LYST: variants seen among roughly 807,000 people sequenced by gnomAD.
LYST encodes lysosomal-trafficking regulator.
LYST carries 192 observed loss-of-function variants against 413.6 expected under a neutral mutation model. The observed-to-expected ratio is 0.46, with a 90% CI of 0.41 to 0.52. The LOEUF (loss-of-function observed/expected upper bound fraction) is 0.52. Among genes scored for constraint, LYST ranks in the 20% least tolerant of loss-of-function variants. The pLI is 0.00. For missense variants in LYST, 3,815 were observed against 4,499.9 expected (o/e 0.85, Z 4.35); for synonymous variants, 1,525 against 1,567.3 (o/e 0.97, Z 0.64).
intron 23 of LYST, among the ~76,000 whole-genome samples, chr1:235,757,762 A>T (rs189520280): frequency 5.3e-5 from 8 of 152,322 alleles, no homozygotes; most frequent in Non-Finnish European, 2.9e-5. Flanking sequence ...CATCAGCCAC[A>T]TTTCAAGTGC....
intron 1 of LYST, among the ~76,000 whole-genome samples, chr1:235,866,375 C>T (rs1286276054): frequency 6.6e-6 from 1 of 152,196 alleles, no homozygotes; most frequent in African/African-American, 2.4e-5. Context: ...GAGTGACCGG[C>T]TGGGTGGTGG....
chr1:235,680,291 C>T (rs112605533), intron 48 of LYST, among the ~76,000 whole-genome samples: 12,282 of 152,192 alleles, frequency 0.081, 1,611 homozygotes, highest in African/African-American at 0.28. Flanking sequence ...GGTCTCACTC[C>T]GTCACCCAGG....
At chr1:235,772,615 G>C (rs1668819570) in intron 19 of LYST, among the ~76,000 whole-genome samples, 1 of 152,144 alleles carries the variant, frequency 6.6e-6, no homozygotes, top group Non-Finnish European at 1.5e-5. Context: ...CTGAGATGTA[G>C]TGCCTACATC....
chr1:235,814,141 G>T (rs1269510602), intron 3 of LYST, among the ~76,000 whole-genome samples: 1 of 152,192 alleles, frequency 6.6e-6, no homozygotes, highest in Non-Finnish European at 1.5e-5. Flanking sequence ...ACTGGTTTCA[G>T]CATCTAGGTA....
intron 45 of LYST, among the ~76,000 whole-genome samples, chr1:235,702,131 A>C (rs1418828339): frequency 6.6e-6 from 1 of 152,192 alleles, no homozygotes; most frequent in South Asian, 2.1e-4. Flanking sequence ...ACATTCTACT[A>C]TCTTATGCTG....
chr1:235,823,062 A>G (rs1674936273), intron 3 of LYST, among the ~76,000 whole-genome samples: 1 of 152,222 alleles, frequency 6.6e-6, no homozygotes, highest in South Asian at 2.1e-4. Flanking sequence ...CAAAGAAATC[A>G]TTGTTTTATG....
At chr1:235,739,655 A>C (rs760264229) in intron 31 of LYST, among the ~76,000 whole-genome samples, 1 of 151,916 alleles carries the variant, frequency 6.6e-6, no homozygotes, top group Admixed American at 6.6e-5. Context: ...ATAGTTGACA[A>C]GGGAAAGTTC....
chr1:235,677,420 A>G (rs894658688), intron 49 of LYST, 60 bp downstream of exon 49: 8 of 1,542,824 alleles, frequency 5.2e-6, no homozygotes, highest in African/African-American at 1.4e-5. Context: ...TATCTATTTC[A>G]TATAGTAAAA....
At chr1:235,680,428 A>C (rs1294320007) in intron 48 of LYST, among the ~76,000 whole-genome samples, 3 of 149,680 alleles carry the variant, frequency 2.0e-5, no homozygotes, top group African/African-American at 7.6e-5. Flanking sequence ...CTACTTTTTA[A>C]ATTTTTTTTT....
At chr1:235,850,357 C>T (rs866952715) in intron 1 of LYST, among the ~76,000 whole-genome samples, 2 of 152,132 alleles carry the variant, frequency 1.3e-5, no homozygotes, top group African/African-American at 4.8e-5. Context: ...TCATCTCTCA[C>T]CTTATACAAA....
intron 31 of LYST, chr1:235,737,919 C>CG: frequency 1.1e-4 from 124 of 1,160,650 alleles, no homozygotes; most frequent in Admixed American, 7.6e-4. Flanking sequence ...GCCGACGAGT[C>CG]TGGATCTCAC....
At chr1:235,797,902 T>C (rs1003493282) in intron 10 of LYST, among the ~76,000 whole-genome samples, 7 of 152,100 alleles carry the variant, frequency 4.6e-5, no homozygotes, top group Non-Finnish European at 1.0e-4. Flanking sequence ...CCAGAATATA[T>C]AGAGAACTCT....
rs1558281751 is a variant in LYST, at chr1:235,809,010, G to C, written c.1808C>G (p.Ala603Gly). The change falls in exon 5 of 53, where the codon GCA (alanine) becomes GGA (glycine). Residue 603 changes from alanine (A) to glycine (G), a missense_variant. By Grantham distance (60) the Ala-to-Gly change is moderately conservative. Transcript: ENST00000389793. This position sits in a 1 kb window ranked among gnomAD's most constrained non-coding sequence, Gnocchi z 4.0. ...TATATGCTGCTGAAAATTTTTCAGT[G>C]CTGGCAATTTAAAAGCATGGAGCAA... ...IPLLHAFKLP[A>G]LKNFQQHILN... 2 of 1,613,954 alleles carry C rather than the reference G, an allele frequency of 1.2e-6. No homozygotes were observed. Among genetic ancestry groups the C allele is most frequent in the Non-Finnish European group, 1.7e-6 (2 of 1,179,860 alleles).
At position 235,776,377 on chromosome 1, in the gene LYST, C is replaced by T. The variant is rs138651296; in HGVS notation, c.5460+686G>A. Among the ~76,000 whole-genome samples the T allele has an allele frequency of 1.8e-4, 27 of 152,252 alleles. 1 individual carries two copies. In the East Asian group the frequency reaches 5.0e-3, roughly 28 times the overall value. On this transcript the variant is annotated intron_variant, in intron 17 of 52. Coordinates refer to ENST00000389793, the MANE Select transcript of LYST (RefSeq NM_000081.4). The stretch of plus-strand genomic sequence containing the variant: ...AAGTTAGATAGGGAGACTATGAAAA[C>T]TTGATAATGTTGCAAAAGTTATACT...
chr1:235,746,377 T>C lies in LYST; in HGVS notation c.7931A>G (p.Gln2644Arg). Residue 2644 changes from glutamine to arginine, a missense_variant, in exon 29 of 53, where the codon CAG becomes CGG. Coordinates refer to ENST00000389793, the MANE Select transcript of LYST (RefSeq NM_000081.4). ...GTTGACTGCTAAAACAGTGAGCCTC[T>C]GTAGTCTCTGCGCAAGTTCCGTTTC... The part of the protein sequence containing the change: ...ATETELAQRL[Q>R]RLTVLAVNRI... 6.2e-7 allele frequency: 1 copy of C among 1,613,974 alleles called. No homozygotes were observed. Among genetic ancestry groups the C allele is most frequent in the Non-Finnish European group, 8.5e-7 (1 of 1,179,892 alleles).
Position 235,686,865 on chromosome 1 carries a change from T to C in LYST, c.10800+84A>G, listed in dbSNP as rs998880274. On this transcript the variant is annotated intron_variant, in intron 48 of 52. Transcript: ENST00000389793. The surrounding 1 kb of genome is among the most constrained non-coding windows in gnomAD (Gnocchi z 4.0). ...GTATAAACATTTTAAGTTAATCTTA[T>C]GCAAAGTGAATTATACTTCATAAAG... The C allele has an allele frequency of 9.7e-5, 97 of 1,000,512 alleles. No individual in the cohort carries two copies. Among genetic ancestry groups the C allele is most frequent in the East Asian group, 2.4e-5 (1 of 41,980 alleles). 62.0% of individuals were successfully genotyped at this position (1,000,512 alleles called of 1,614,324 possible).
chr1:235,726,860 T>C (rs1663924326), intron 38 of LYST, among the ~76,000 whole-genome samples: 1 of 152,176 alleles, frequency 6.6e-6, no homozygotes, highest in African/African-American at 2.4e-5. Context: ...GTAGAATTTT[T>C]AAGGGGAAAA....
At chr1:235,794,505 A>T (rs142880080) in intron 10 of LYST, among the ~76,000 whole-genome samples, 1 of 152,174 alleles carries the variant, frequency 6.6e-6, no homozygotes, top group South Asian at 2.1e-4. Flanking sequence ...GTATTTTTAC[A>T]TGCTTTATTT....
Position 235,781,994 on chromosome 1 carries a change from T to C in LYST, c.4956A>G (p.Leu1652=), listed in dbSNP as rs6696123. The part of the protein sequence containing the change: ...NKTFCMIGHC[L]SSQEEFLQLA... ...ACTGCAAAAACTCTTCTTGGGATGA[T>C]AAACAATGGCCAATCATGCAAAATG... The change falls in exon 15 of 53, where the codon TTA becomes TTG. Residue 1652 remains leucine (L), a synonymous_variant. Transcript: ENST00000389793. 0.38 allele frequency: 619,229 copies of C among 1,611,766 alleles called. 124,221 individuals carry two copies. Among genetic ancestry groups the C allele is most frequent in the African/African-American group, 0.5 (37,196 of 74,868 alleles).
Sources: allele counts gnomAD v4.1 joint callset (sites outside exome capture counted in the v4.1 genomes callset), GRCh38; gene constraint gnomAD v4.1.1; non-coding constraint Gnocchi (gnomAD v3.1); transcripts MANE v1.5; gene names NCBI Gene and HGNC (gene_info 2026-07-23, HGNC 2026-07-21).